Variants in ASXL2 observed in about 807,000 individuals in gnomAD.
The protein encoded by ASXL2 is ASXL transcriptional regulator 2, also known as putative Polycomb group protein ASXL2.
Under a neutral mutation model 122.0 loss-of-function variants are expected in ASXL2, and 23 were observed. The observed-to-expected ratio is 0.19, with a 90% confidence interval of 0.14 to 0.27. The LOEUF (loss-of-function observed/expected upper bound fraction) is 0.27, where lower values mean the gene tolerates loss of function less well. Ranked by LOEUF, ASXL2 falls within the 10% of genes least tolerant of loss-of-function variation. The pLI, the probability that ASXL2 is intolerant of heterozygous loss-of-function variation, is 1.00. For missense variants in ASXL2, 1,518 were observed against 1,713.8 expected (o/e 0.89, Z 2.02); for synonymous variants, 650 against 637.0 (o/e 1.02, Z -0.31).
chr2:25,842,478 T>C (rs912884677), intron 2 of ASXL2, among the ~76,000 whole-genome samples: 1 of 152,124 alleles, frequency 6.6e-6, no homozygotes, highest in Non-Finnish European at 1.5e-5. Context: ...TAATCTTTAT[T>C]TATTTACTAT....
At chr2:25,831,582 A>T (rs1175717734) in intron 3 of ASXL2, among the ~76,000 whole-genome samples, 1 of 152,166 alleles carries the variant, frequency 6.6e-6, no homozygotes, top group African/African-American at 2.4e-5. Context: ...TGAGCCCAGG[A>T]GGCTGATGCT....
chr2:25,821,943 C>T (rs1055228950), intron 3 of ASXL2, among the ~76,000 whole-genome samples: 1 of 152,096 alleles, frequency 6.6e-6, no homozygotes, highest in African/African-American at 2.4e-5. Context: ...ACAATAATGC[C>T]ACTGACACTC....
At chr2:25,852,057 C>A (rs936612111) in intron 1 of ASXL2, among the ~76,000 whole-genome samples, 1 of 151,946 alleles carries the variant, frequency 6.6e-6, no homozygotes, top group Non-Finnish European at 1.5e-5. Flanking sequence ...CTTCCACAAG[C>A]GGAAATGACT....
chr2:25,782,530 AG>A (rs1229636539), intron 5 of ASXL2, among the ~76,000 whole-genome samples: 2 of 152,156 alleles, frequency 1.3e-5, no homozygotes, highest in African/African-American at 4.8e-5. Context: ...TGGGCAACAG[AG>A]GAAGACTCCA....
At chr2:25,767,859 T>G in intron 7 of ASXL2, 133 bp from the exon 8 acceptor site, 2 of 1,042,040 alleles carry the variant, frequency 1.9e-6, no homozygotes, top group Non-Finnish European at 2.7e-6. Context: ...GTTTTGAGTT[T>G]GAAAATTAAA....
At chr2:25,822,664 T>TA (rs1339443065) in intron 3 of ASXL2, 95 of 650,774 alleles carry the variant, frequency 1.5e-4, no homozygotes, top group Middle Eastern at 5.0e-4. Context: ...ATTCCAAGCA[T>TA]AAAAAAAACG....
intron 5 of ASXL2, among the ~76,000 whole-genome samples, chr2:25,780,056 G>C (rs2088608462): frequency 6.6e-6 from 1 of 152,006 alleles, no homozygotes; most frequent in Non-Finnish European, 1.5e-5. Context: ...GTAGAGATGG[G>C]GTTTCACCAT....
intron 3 of ASXL2, among the ~76,000 whole-genome samples, chr2:25,830,648 A>T (rs772732298): frequency 2.0e-5 from 3 of 148,906 alleles, no homozygotes; most frequent in Non-Finnish European, 4.5e-5. Flanking sequence ...AAAAATTAAT[A>T]AATAAATAAA....
At position 25,744,428 on chromosome 2, in the gene ASXL2, A is replaced by G; in HGVS notation, c.1909T>C (p.Ser637Pro). 1 of 1,612,746 alleles carries G rather than the reference A, an allele frequency of 6.2e-7. No individual in the cohort carries two copies. The highest frequency in any genetic ancestry group is 8.5e-7 in the Non-Finnish European group (1 of 1,179,686). ...GAGACTGGAAAACGAGCCCTGGGAG[A>G]GACCTGCGATGGATGAAACGGCATG... ...SPMPFHPSQV[S>P]PRARFPVSIT... Residue 637 changes from serine to proline, a missense_variant, in exon 13 of 13, where the codon TCT becomes CCT. By Grantham distance (74) the Ser-to-Pro change is moderately conservative. Coordinates refer to ENST00000435504, the MANE Select transcript of ASXL2 (RefSeq NM_018263.6). The surrounding 1 kb of genome is among the most constrained non-coding windows in gnomAD (Gnocchi z 4.7).
intron 8 of ASXL2, 50 bp downstream of exon 8, chr2:25,767,533 A>G: frequency 6.3e-7 from 1 of 1,578,822 alleles, no homozygotes; most frequent in East Asian, 2.3e-5. Context: ...TCAAACATGT[A>G]GCTGATAAAT....
intron 5 of ASXL2, among the ~76,000 whole-genome samples, chr2:25,784,430 C>T (rs1272646186): frequency 6.6e-6 from 1 of 152,124 alleles, no homozygotes; most frequent in African/African-American, 2.4e-5. Flanking sequence ...ATATAACATA[C>T]TGAATACATT....
At chr2:25,861,917 G>A (rs1010118578) in intron 1 of ASXL2, among the ~76,000 whole-genome samples, 4 of 152,104 alleles carry the variant, frequency 2.6e-5, no homozygotes, top group African/African-American at 9.7e-5. Flanking sequence ...ACTTAACAAA[G>A]TAAATGATAG....
chr2:25,787,534 G>C (rs2088767687), intron 5 of ASXL2, among the ~76,000 whole-genome samples: 3 of 152,070 alleles, frequency 2.0e-5, no homozygotes, highest in African/African-American at 7.2e-5. Flanking sequence ...TAATCGCTTT[G>C]TTTACTTACA....
chr2:25,767,036 A>G (rs1490034207), intron 8 of ASXL2, among the ~76,000 whole-genome samples: 1 of 151,996 alleles, frequency 6.6e-6, no homozygotes, highest in Admixed American at 6.6e-5. Context: ...TCATCTCTCA[A>G]AATTTGCTGA....
chr2:25,754,913 A>G (rs538317323), intron 10 of ASXL2, among the ~76,000 whole-genome samples: 6 of 152,310 alleles, frequency 3.9e-5, no homozygotes, highest in Non-Finnish European at 4.4e-5. Context: ...TCCCTTCTAC[A>G]TAGAATTTCT....
intron 1 of ASXL2, among the ~76,000 whole-genome samples, chr2:25,871,221 G>A (rs970673709): frequency 1.3e-5 from 2 of 152,130 alleles, no homozygotes; most frequent in African/African-American, 4.8e-5. Context: ...GAGTTCTTTT[G>A]TAAACAGGAC....
chr2:25,799,643 T>A (rs2088965832), intron 4 of ASXL2, 108 bp from the exon 5 acceptor site: 10 of 1,344,674 alleles, frequency 7.4e-6, no homozygotes, highest in Non-Finnish European at 1.0e-5. Flanking sequence ...TTTTTGTTAC[T>A]ATAGGATTCA....
intron 1 of ASXL2, among the ~76,000 whole-genome samples, chr2:25,867,238 A>T (rs560080775): frequency 6.6e-6 from 1 of 151,528 alleles, no homozygotes; most frequent in Non-Finnish European, 1.5e-5. Flanking sequence ...GTTCTATCTA[A>T]AAAAAAATGA....
intron 2 of ASXL2, among the ~76,000 whole-genome samples, chr2:25,836,733 T>C (rs1268601226): frequency 6.6e-6 from 1 of 152,218 alleles, no homozygotes; most frequent in Non-Finnish European, 1.5e-5. Flanking sequence ...ATTAGCTATA[T>C]AACTTACTCA....
Sources: allele counts gnomAD v4.1 joint callset (sites outside exome capture counted in the v4.1 genomes callset), GRCh38; gene constraint gnomAD v4.1.1; non-coding constraint Gnocchi (gnomAD v3.1); transcripts MANE v1.5; gene names NCBI Gene and HGNC (gene_info 2026-07-23, HGNC 2026-07-21).